Variants in TNFRSF21 observed in about 807,000 individuals in gnomAD.
TNFRSF21 encodes tumor necrosis factor receptor superfamily member 21.
TNFRSF21 carries 19 observed loss-of-function variants against 45.6 expected under a neutral mutation model. That is an observed-to-expected ratio of 0.42 (90% CI 0.29 to 0.61). TNFRSF21 has a LOEUF of 0.61. Ranked by LOEUF, TNFRSF21 falls within the 20% of genes least tolerant of loss-of-function variation. TNFRSF21 has a pLI of 0.23. For missense variants in TNFRSF21, 737 were observed against 851.5 expected (o/e 0.87, Z 1.67); for synonymous variants, 314 against 335.5 (o/e 0.94, Z 0.70).
rs1043604116 is a variant in TNFRSF21 at position 47,234,658 on chromosome 6, C to A, written c.1738+12G>T. 1 of 1,595,718 alleles carries A rather than the reference C, an allele frequency of 6.3e-7. No individual in the cohort carries two copies. Among genetic ancestry groups the A allele is most frequent in the Non-Finnish European group, 8.5e-7 (1 of 1,170,284 alleles). On this transcript the variant is annotated intron_variant, in intron 5 of 5. Transcript: ENST00000296861. ...TTAAGTGCGTGTGTGAGGTCTGCTG[C>A]GATGCCCGTACCTTTGGTAATAAAG...
At chr6:47,249,694 GA>G (rs1278126891) in intron 4 of TNFRSF21, among the ~76,000 whole-genome samples, 1 of 152,134 alleles carries the variant, frequency 6.6e-6, no homozygotes, top group Non-Finnish European at 1.5e-5. Flanking sequence ...TAAAATTCAT[GA>G]AAACAAAAGC....
chr6:47,281,996 T>C (rs1466927132), intron 3 of TNFRSF21, among the ~76,000 whole-genome samples: 1 of 152,102 alleles, frequency 6.6e-6, no homozygotes, highest in Admixed American at 6.5e-5. Flanking sequence ...ATCTACATCA[T>C]AGGTGTCCAA....
intron 4 of TNFRSF21, among the ~76,000 whole-genome samples, chr6:47,241,389 C>T (rs905350870): frequency 6.6e-6 from 1 of 152,058 alleles, no homozygotes; most frequent in Non-Finnish European, 1.5e-5. Context: ...TGATGAGAGA[C>T]AATGATTTTA....
At chr6:47,259,762 A>G (rs1765044895) in intron 3 of TNFRSF21, among the ~76,000 whole-genome samples, 1 of 152,168 alleles carries the variant, frequency 6.6e-6, no homozygotes, top group African/African-American at 2.4e-5. Context: ...GTCAAGCCCT[A>G]TACATCCGAG....
chr6:47,282,384 C>CAAAA (rs1419235376), intron 3 of TNFRSF21, among the ~76,000 whole-genome samples: 7 of 86,738 alleles, frequency 8.1e-5, no homozygotes, highest in Non-Finnish European at 9.2e-5. Context: ...AATTCTGTCT[C>CAAAA]AAAAAAAAAA....
intron 3 of TNFRSF21, among the ~76,000 whole-genome samples, chr6:47,264,044 T>C (rs1267953711): frequency 6.6e-6 from 1 of 152,214 alleles, no homozygotes; most frequent in Non-Finnish European, 1.5e-5. Context: ...CAGAAATTCC[T>C]CTTCTTCTGC....
At chr6:47,236,342 A>G (rs1379069995) in intron 4 of TNFRSF21, among the ~76,000 whole-genome samples, 1 of 152,224 alleles carries the variant, frequency 6.6e-6, no homozygotes, top group Non-Finnish European at 1.5e-5. Context: ...ACTCTCCCCA[A>G]GCTGTTAATC....
chr6:47,259,760 C>G (rs1458499192), intron 3 of TNFRSF21, among the ~76,000 whole-genome samples: 2 of 152,136 alleles, frequency 1.3e-5, no homozygotes, highest in Non-Finnish European at 2.9e-5. Flanking sequence ...GAGTCAAGCC[C>G]TATACATCCG....
intron 4 of TNFRSF21, among the ~76,000 whole-genome samples, chr6:47,251,079 C>T (rs1764894042): frequency 6.6e-6 from 1 of 152,072 alleles, no homozygotes; most frequent in Non-Finnish European, 1.5e-5. Flanking sequence ...ATTCCAAAGT[C>T]TGAAAAAATC....
chr6:47,257,393 C>T (rs1209606045), intron 3 of TNFRSF21, among the ~76,000 whole-genome samples: 1 of 152,148 alleles, frequency 6.6e-6, no homozygotes, highest in African/African-American at 2.4e-5. Context: ...GCTGGGGTCG[C>T]CAATGTTCTT....
chr6:47,291,517 G>GT (rs1561951419), intron 1 of TNFRSF21, among the ~76,000 whole-genome samples: 1 of 152,196 alleles, frequency 6.6e-6, no homozygotes, highest in African/African-American at 2.4e-5. Context: ...CAGGTCAGCT[G>GT]AATTTGGTGA....
chr6:47,283,937 C>T lies in TNFRSF21; in HGVS notation c.1243+1G>A. On this transcript the variant is annotated splice_donor_variant, in intron 3 of 5. Transcript: ENST00000296861. LOFTEE classifies it high-confidence loss of function. ...GCAAGGAGAGAAGAGAGAAGGCTCACCATGGCCATTGCAGTAGTAGATCCA... is the reference window on the plus strand; with the variant it reads ...GCAAGGAGAGAAGAGAGAAGGCTCATCATGGCCATTGCAGTAGTAGATCCA... The T allele has an allele frequency of 6.2e-7, 1 of 1,611,562 alleles. No individual in the cohort carries two copies.
chr6:47,239,622 A>T lies in TNFRSF21; in HGVS notation c.1510-4724T>A, dbSNP rs1397294546. Among the ~76,000 whole-genome samples the T allele has an allele frequency of 2.6e-5, 4 of 152,194 alleles. 1 individual carries two copies. The East Asian group carries it at 7.7e-4, about 29-fold the overall frequency. On this transcript the variant is annotated intron_variant, in intron 4 of 5. Transcript: ENST00000296861. ...GTGTGGCATGTACTTCATGTTCCCC[A>T]TAGTCAGCTCCTAAAAATCAAAGTC...
At chr6:47,264,392 G>GTGCCTGACTAATCT (rs1402385001) in intron 3 of TNFRSF21, among the ~76,000 whole-genome samples, 3 of 152,174 alleles carry the variant, frequency 2.0e-5, no homozygotes, top group Admixed American at 6.5e-5. Context: ...GCCAGGCATG[G>GTGCCTGACTAATCT]TGGTCCCAGC....
chr6:47,307,563 G>A (rs548643825), intron 1 of TNFRSF21, among the ~76,000 whole-genome samples: 1 of 152,120 alleles, frequency 6.6e-6, no homozygotes, highest in South Asian at 2.1e-4. Context: ...TTGTAGAGAT[G>A]GGGTCTCACT....
chr6:47,282,795 C>A (rs1463770696), intron 3 of TNFRSF21, among the ~76,000 whole-genome samples: 1 of 152,074 alleles, frequency 6.6e-6, no homozygotes, highest in African/African-American at 2.4e-5. Context: ...TGGCTAAAAT[C>A]AAAAACTTCA....
chr6:47,269,216 C>T (rs1229920894), intron 3 of TNFRSF21, among the ~76,000 whole-genome samples: 1 of 151,364 alleles, frequency 6.6e-6, no homozygotes, highest in Non-Finnish European at 1.5e-5. Flanking sequence ...CACAGACACA[C>T]ACAGACACAA....
At chr6:47,305,760 CA>C (rs1158383318) in intron 1 of TNFRSF21, among the ~76,000 whole-genome samples, 1 of 152,186 alleles carries the variant, frequency 6.6e-6, no homozygotes, top group East Asian at 1.9e-4. Context: ...ATAATGCTTG[CA>C]AAAGAGTTTT....
At chr6:47,249,888 T>C (rs1438315795) in intron 4 of TNFRSF21, among the ~76,000 whole-genome samples, 4 of 150,210 alleles carry the variant, frequency 2.7e-5, no homozygotes, top group Non-Finnish European at 5.9e-5. Context: ...TGAGGAAAAA[T>C]GGAATAAGAA....
Sources: gnomAD v4.1 joint callset for allele counts (sites outside exome capture counted in the v4.1 genomes callset) on GRCh38, gnomAD v4.1.1 for gene constraint, MANE v1.5 for transcripts, NCBI Gene and HGNC (gene_info 2026-07-23, HGNC 2026-07-21) for gene names.